Variants in CELF5 observed in about 807,000 individuals in gnomAD.
CELF5 encodes CUGBP Elav-like family member 5, also known as CUG-BP and ETR-3 like factor 5.
CELF5 carries 6 observed loss-of-function variants against 54.9 expected under a neutral mutation model. The observed-to-expected ratio is 0.11, with a 90% CI of 0.06 to 0.22. CELF5 has a LOEUF of 0.22. CELF5 is among the 10% of genes least tolerant of loss of function. CELF5 has a pLI of 1.00. For synonymous variants in CELF5, 271 were observed against 290.9 expected (o/e 0.93, Z 0.70); for missense variants, 401 against 678.6 (o/e 0.59, Z 4.54).
chr19:3,265,766 A>G (rs1461726276), intron 2 of CELF5, among the ~76,000 whole-genome samples: 2 of 152,110 alleles, frequency 1.3e-5, no homozygotes, highest in African/African-American at 4.8e-5. Flanking sequence ...TGCTCTATGC[A>G]GTAGCCATTC....
chr19:3,229,310 CAAAT>C (rs1023799501), intron 1 of CELF5, among the ~76,000 whole-genome samples: 1 of 152,046 alleles, frequency 6.6e-6, no homozygotes, highest in Non-Finnish European at 1.5e-5. Flanking sequence ...TTGGGCAAAA[CAAAT>C]AAAATCTGCC....
In CELF5 at chr19:3,228,360, T is replaced by C. The variant is rs912168710; in HGVS notation, c.259+3362T>C. On this transcript the variant is annotated intron_variant, in intron 1 of 12. Coordinates refer to ENST00000292672, the MANE Select transcript of CELF5 (RefSeq NM_021938.4). This position sits in a 1 kb window ranked among gnomAD's most constrained non-coding sequence, Gnocchi z 6.0. ...TCAGGCCAAGAACTGGAGGCTGGGATTGGGGCTCCCGCTGGCCCCCCTGCA... is the reference window on the plus strand; with the variant it reads ...TCAGGCCAAGAACTGGAGGCTGGGACTGGGGCTCCCGCTGGCCCCCCTGCA... Among the ~76,000 whole-genome samples the C allele has an allele frequency of 2.0e-5, 3 of 152,030 alleles. No homozygotes were observed. Among genetic ancestry groups the C allele is most frequent in the Non-Finnish European group, 4.4e-5 (3 of 67,972 alleles).
At chr19:3,225,480 C>CCCCAAAAA in intron 1 of CELF5, 4 of 670,800 alleles carry the variant, frequency 6.0e-6, no homozygotes, top group Non-Finnish European at 7.3e-6. Context: ...CCCCCACCCC[C>CCCCAAAAA]ATTCATTCAG....
intron 2 of CELF5, among the ~76,000 whole-genome samples, chr19:3,260,408 T>C (rs1196236454): frequency 6.6e-6 from 1 of 151,970 alleles, no homozygotes; most frequent in Non-Finnish European, 1.5e-5. Flanking sequence ...AATGCTGGGA[T>C]TACAGGCGTA....
chr19:3,277,472 A>C (rs1294644464), intron 4 of CELF5, among the ~76,000 whole-genome samples: 2 of 151,984 alleles, frequency 1.3e-5, no homozygotes, highest in African/African-American at 4.8e-5. Context: ...ACTCTGACTC[A>C]AAAAAAGAAA....
intron 2 of CELF5, among the ~76,000 whole-genome samples, chr19:3,264,328 T>A (rs1232993509): frequency 6.7e-6 from 1 of 149,928 alleles, no homozygotes; most frequent in African/African-American, 2.5e-5. Context: ...CCTGTTTTCC[T>A]TTTAACCTAA....
intron 12 of CELF5, 143 bp downstream of exon 12, chr19:3,293,629 G>T (rs1258524573): frequency 4.2e-6 from 3 of 706,248 alleles, no homozygotes; most frequent in Non-Finnish European, 6.9e-6. Context: ...TTGGGTTGGC[G>T]GGGACAGAGC....
At chr19:3,274,043 C>A in intron 3 of CELF5, 120 bp downstream of exon 3, 1 of 959,536 alleles carries the variant, frequency 1.0e-6, no homozygotes, top group Non-Finnish European at 1.6e-6. Flanking sequence ...GGATCTGGAA[C>A]TGGCCTCCCT....
chr19:3,228,998 T>TC lies in CELF5; in HGVS notation c.259+4004dup. Among the ~76,000 whole-genome samples, 1 of 151,884 alleles carries TC rather than the reference T, an allele frequency of 6.6e-6. No individual in the cohort carries two copies. The highest frequency in any genetic ancestry group is 1.9e-4 in the East Asian group (1 of 5,168). ...GCGCGCCCCTCTCTGTGCCTCGTTT[T>TC]CCCCTGCTGCATATTCTCTCCTTTA... On this transcript the variant is annotated intron_variant, in intron 1 of 12. Transcript: ENST00000292672. This position sits in a 1 kb window ranked among gnomAD's most constrained non-coding sequence, Gnocchi z 6.0.
At chr19:3,243,402 T>C (rs1244131100) in intron 1 of CELF5, among the ~76,000 whole-genome samples, 1 of 152,134 alleles carries the variant, frequency 6.6e-6, no homozygotes, top group African/African-American at 2.4e-5. Flanking sequence ...TGTCTTGACC[T>C]CCTGAGTAGC....
At position 3,246,359 on chromosome 19, in the gene CELF5, GTC is replaced by G. The variant is rs113436630; in HGVS notation, c.260-4606_260-4605del. On this transcript the variant is annotated intron_variant, in intron 1 of 12. Coordinates refer to ENST00000292672, the MANE Select transcript of CELF5 (RefSeq NM_021938.4). ...AGCCTGGGCGATAGATTGAGACTCA[GTC>G]TCTCTCTCTCTCTCTCTCTGGCTCT... Among the ~76,000 whole-genome samples the G allele has an allele frequency of 4.0e-3, 585 of 146,202 alleles. 3 individuals are homozygous for G. The highest frequency in any genetic ancestry group is 0.011 in the African/African-American group (421 of 39,878).
intron 1 of CELF5, among the ~76,000 whole-genome samples, chr19:3,246,441 T>C (rs1260950221): frequency 6.6e-6 from 1 of 151,524 alleles, no homozygotes; most frequent in Non-Finnish European, 1.5e-5. Flanking sequence ...CAGTGGCTTA[T>C]GCCTATAATC....
At chr19:3,249,626 C>A (rs865995264) in intron 1 of CELF5, among the ~76,000 whole-genome samples, 1 of 151,964 alleles carries the variant, frequency 6.6e-6, no homozygotes, top group Non-Finnish European at 1.5e-5. Context: ...TGGGCCACTC[C>A]GGGGCTGGCC....
chr19:3,250,063 G>T (rs1178637939), intron 1 of CELF5, among the ~76,000 whole-genome samples: 1 of 152,120 alleles, frequency 6.6e-6, no homozygotes, highest in Non-Finnish European at 1.5e-5. Flanking sequence ...GGGTGGAACG[G>T]GTGGAAAACA....
chr19:3,250,338 A>T (rs1353126074), intron 1 of CELF5, among the ~76,000 whole-genome samples: 1 of 152,066 alleles, frequency 6.6e-6, no homozygotes, highest in African/African-American at 2.4e-5. Flanking sequence ...AATACAAAAA[A>T]ATTAGCCAAG....
chr19:3,251,079 G>T lies in CELF5; in HGVS notation c.342+12G>T, dbSNP rs770406370. The T allele has an allele frequency of 6.2e-7, 1 of 1,610,414 alleles. No homozygotes were observed. The highest frequency in any genetic ancestry group is 1.1e-5 in the South Asian group (1 of 91,000). Reference sequence around the variant, plus strand: ...AGACCTTGCCCGGAGTGAGTCCTGTGTGGTGTCTGGGGAGGAGGGGACAGG... The same window carrying T: ...AGACCTTGCCCGGAGTGAGTCCTGTTTGGTGTCTGGGGAGGAGGGGACAGG... On this transcript the variant is annotated intron_variant, in intron 2 of 12. Transcript: ENST00000292672.
At position 3,290,573 on chromosome 19, in the gene CELF5, T is replaced by A. The variant is rs1457184759; in HGVS notation, c.1330+199T>A. ...TTTTGGTTTGGGTTTCTTTTTTTTTTTTTTTTTTGAGACAGAGTCTCGCTC... is the reference window on the plus strand; with the variant it reads ...TTTTGGTTTGGGTTTCTTTTTTTTTATTTTTTTTGAGACAGAGTCTCGCTC... On this transcript the variant is annotated intron_variant, in intron 11 of 12. Coordinates refer to ENST00000292672, the MANE Select transcript of CELF5 (RefSeq NM_021938.4). 1.3e-4 allele frequency among the ~76,000 whole-genome samples: 19 copies of A among 149,550 alleles called. 1 individual carries two copies. Among genetic ancestry groups the A allele is most frequent in the Admixed American group, 8.6e-4 (13 of 15,068 alleles).
In CELF5 at chr19:3,293,477, C is replaced by A. The variant is rs768502350; in HGVS notation, c.*31C>A. 3 of 1,611,968 alleles carry A rather than the reference C, an allele frequency of 1.9e-6. No homozygotes were observed. In the East Asian group the frequency reaches 6.7e-5, roughly 36 times the overall value. The stretch of plus-strand genomic sequence containing the variant: ...CCCACAGCCGCCCTGAGGCTGTAGG[C>A]ATGGCCCAGGTGAGCCGCCAGGCGG... On this transcript the variant is annotated 3_prime_UTR_variant, in exon 12 of 13. Coordinates refer to ENST00000292672, the MANE Select transcript of CELF5 (RefSeq NM_021938.4).
At chr19:3,264,054 C>T (rs1367466630) in intron 2 of CELF5, among the ~76,000 whole-genome samples, 1 of 152,160 alleles carries the variant, frequency 6.6e-6, no homozygotes, top group Non-Finnish European at 1.5e-5. Context: ...TTACTAAGCC[C>T]AACTCTTTTC....
Sources: allele counts gnomAD v4.1 joint callset (sites outside exome capture counted in the v4.1 genomes callset), GRCh38; gene constraint gnomAD v4.1.1; non-coding constraint Gnocchi (gnomAD v3.1); transcripts MANE v1.5; gene names NCBI Gene and HGNC (gene_info 2026-07-23, HGNC 2026-07-21).